The following PRR3 variants were observed in gnomAD, a reference collection of about 807,000 sequenced individuals.
PRR3 encodes the protein proline rich 3.
In PRR3, 16 loss-of-function variants were observed where a neutral mutation model predicts 22.4. The observed-to-expected ratio is 0.71, with a 90% CI of 0.48 to 1.09. The LOEUF (loss-of-function observed/expected upper bound fraction) is 1.09, where lower values mean the gene tolerates loss of function less well. Ranked by LOEUF, PRR3 falls within the 50% of genes least tolerant of loss-of-function variation. The pLI is 0.00. For synonymous variants in PRR3, 87 were observed against 88.6 expected, an observed-to-expected ratio of 0.98 and a Z score of 0.10; for missense variants, 224 against 243.4, an observed-to-expected ratio of 0.92 and a Z score of 0.53.
rs1800747841 is a variant in PRR3 at position 30,563,027 on chromosome 6, C to G, written c.*532C>G. On this transcript the variant is annotated 3_prime_UTR_variant, in exon 4 of 4. Coordinates refer to ENST00000376560, the MANE Select transcript of PRR3 (RefSeq NM_025263.4). ...TGGTGCAGAGTTACTTCCTAAAAGGCCACTCTCCCTGCCTTTGGATTTCAT... is the reference window on the plus strand; with the variant it reads ...TGGTGCAGAGTTACTTCCTAAAAGGGCACTCTCCCTGCCTTTGGATTTCAT... 6.5e-6 allele frequency: 1 copy of G among 152,804 alleles called. No homozygotes were observed. The allele number at this position is 152,804 out of a possible 1,614,324, so 9.5% of individuals were successfully genotyped here.
upstream of PRR3, chr6:30,556,750 C>T (rs1007444743): frequency 2.7e-5 from 11 of 404,434 alleles, no homozygotes; most frequent in Non-Finnish European, 3.2e-5. This position sits in a 1 kb window ranked among gnomAD's most constrained non-coding sequence, Gnocchi z 5.7. Flanking sequence ...ACACCGGGGG[C>T]ACGGTCAGAG....
At position 30,563,036 on chromosome 6, in the gene PRR3, C is replaced by T. The variant is rs943843636; in HGVS notation, c.*541C>T. ...GTTACTTCCTAAAAGGCCACTCTCC[C>T]TGCCTTTGGATTTCATAGTTTCTCT... is the stretch of plus-strand genomic sequence containing the variant. On this transcript the variant is annotated 3_prime_UTR_variant, in exon 4 of 4. Coordinates refer to ENST00000376560, the MANE Select transcript of PRR3 (RefSeq NM_025263.4). 6.5e-6 allele frequency: 1 copy of T among 152,842 alleles called. No individual in the cohort carries two copies. The highest frequency in any genetic ancestry group is 1.5e-5 in the Non-Finnish European group (1 of 68,270). The allele number at this position is 152,842 out of a possible 1,614,324, so 9.5% of individuals were successfully genotyped here.
At chr6:30,559,234 G>A (rs754468688) in intron 2 of PRR3, among the ~76,000 whole-genome samples, 11 of 152,072 alleles carry the variant, frequency 7.2e-5, no homozygotes, top group Admixed American at 2.6e-4. Flanking sequence ...AAAATTAGCC[G>A]GGCATGGTGG....
At chr6:30,557,066 T>A (rs1164757910), upstream of PRR3, 4 of 701,786 alleles carry the variant, frequency 5.7e-6, no homozygotes, top group African/African-American at 1.7e-5. Flanking sequence ...CTGGTTGTGG[T>A]GTTTTCCAGC....
At chr6:30,559,903 C>T (rs1800512641) in intron 2 of PRR3, 1 of 152,088 alleles carries the variant, frequency 6.6e-6, no homozygotes, top group Non-Finnish European at 1.5e-5. Flanking sequence ...GGAAGCAACC[C>T]ACATGTCCAC....
Position 30,561,979 on chromosome 6 carries a change from T to C in PRR3, c.315T>C (p.Asn105=), listed in dbSNP as rs1271424594. Reference sequence around the variant, plus strand: ...ATGGTCGTGGTTGGTGGGGAGTCAATGCAGAACCTCCTTTTCCGGGGCCAG... The same window carrying C: ...ATGGTCGTGGTTGGTGGGGAGTCAACGCAGAACCTCCTTTTCCGGGGCCAG... ...SPYGRGWWGV[N]AEPPFPGPGH... The change falls in exon 3 of 4, where the codon AAT becomes AAC. Residue 105 remains asparagine, a synonymous_variant. Transcript: ENST00000376560. This position sits in a 1 kb window ranked among gnomAD's most constrained non-coding sequence, Gnocchi z 4.0. The C allele has an allele frequency of 2.5e-6, 4 of 1,612,862 alleles. No homozygotes were observed. The Admixed American group carries it at 6.7e-5, about 27-fold the overall frequency.
intron 2 of PRR3, among the ~76,000 whole-genome samples, chr6:30,559,450 G>A (rs1800480801): frequency 1.3e-5 from 2 of 152,020 alleles, no homozygotes; most frequent in South Asian, 2.1e-4. Context: ...TACAATAGAA[G>A]ATATTTGCAA....
intron 1 of PRR3, 117 bp downstream of exon 1, chr6:30,557,567 G>A: frequency 2.9e-6 from 2 of 684,714 alleles, no homozygotes; most frequent in African/African-American, 1.8e-5. Context: ...CGCACGCGCT[G>A]GGGAGGGATG....
At chr6:30,558,488 G>A (rs912330975) in intron 2 of PRR3, 12 of 454,570 alleles carry the variant, frequency 2.6e-5, no homozygotes, top group African/African-American at 1.7e-4. Flanking sequence ...ATATCAAGGC[G>A]ACTATCAAGA....
Position 30,561,682 on chromosome 6 carries a change from G to A in PRR3, c.170-152G>A. The stretch of plus-strand genomic sequence containing the variant: ...CACCTGGTGGTGGAAACTCAAGTGT[G>A]TCTACTTTGTGAGAACTGGGTTGTG... On this transcript the variant is annotated intron_variant, in intron 2 of 3. Coordinates refer to ENST00000376560, the MANE Select transcript of PRR3 (RefSeq NM_025263.4). This position sits in a 1 kb window ranked among gnomAD's most constrained non-coding sequence, Gnocchi z 4.0. The A allele has an allele frequency of 1.5e-6, 1 of 669,028 alleles. No individual in the cohort carries two copies. The highest frequency in any genetic ancestry group is 2.5e-6 in the Non-Finnish European group (1 of 402,926). 41.4% of individuals were successfully genotyped at this position (669,028 alleles called of 1,614,324 possible). A position where few individuals can be genotyped will look rare whatever the true frequency, so the allele number is the denominator to read the frequency against.
At chr6:30,559,283 A>C (rs755703690) in intron 2 of PRR3, among the ~76,000 whole-genome samples, 2 of 152,194 alleles carry the variant, frequency 1.3e-5, no homozygotes, top group Non-Finnish European at 1.5e-5. Flanking sequence ...AGGCTGAGAC[A>C]GGAGAATCGC....
chr6:30,562,101 A>C lies in PRR3; in HGVS notation c.437A>C (p.Lys146Thr). 1 of 1,598,606 alleles carries C rather than the reference A, an allele frequency of 6.3e-7. No homozygotes were observed. Among genetic ancestry groups the C allele is most frequent in the Non-Finnish European group, 8.5e-7 (1 of 1,172,968 alleles). The change falls in exon 3 of 4, where the codon AAG becomes ACG. Residue 146 changes from lysine to threonine, a missense_variant. Lys to Thr is a moderately conservative substitution (Grantham distance 78). Transcript: ENST00000376560. ...WSLIKNTCPPKDDPQVMEDKS... is the reference protein window; with the variant it reads ...WSLIKNTCPPTDDPQVMEDKS... Reference sequence around the variant, plus strand: ...CTTATCAAGAATACCTGCCCGCCCAAGGATGACCCCCAGGTTATGGAAGGT... The same window carrying C: ...CTTATCAAGAATACCTGCCCGCCCACGGATGACCCCCAGGTTATGGAAGGT...
chr6:30,556,797 T>C (rs1262781603), upstream of PRR3: 1 of 473,040 alleles, frequency 2.1e-6, no homozygotes, highest in Admixed American at 3.6e-5. This position sits in a 1 kb window ranked among gnomAD's most constrained non-coding sequence, Gnocchi z 5.7. Context: ...GAGTCCTGGG[T>C]GCCGACCTGT....
intron 2 of PRR3, among the ~76,000 whole-genome samples, chr6:30,559,023 G>T (rs1194145255): frequency 6.6e-6 from 1 of 152,166 alleles, no homozygotes; most frequent in Non-Finnish European, 1.5e-5. Context: ...AAACAGACAA[G>T]AAATGCACGT....
rs748332344 is a variant in PRR3 at position 30,561,458 on chromosome 6, T to C, written c.170-376T>C. On this transcript the variant is annotated intron_variant, in intron 2 of 3. Transcript: ENST00000376560. This position sits in a 1 kb window ranked among gnomAD's most constrained non-coding sequence, Gnocchi z 4.0. ...CTGCTACAGGCAACCTGGATGAATC[T>C]CACAAACATGATGTTGAGCGAAAGG... The C allele has an allele frequency of 5.9e-6, 3 of 505,850 alleles. No individual in the cohort carries two copies. Among genetic ancestry groups the C allele is most frequent in the Non-Finnish European group, 7.7e-6 (2 of 260,978 alleles). The allele number at this position is 505,850 out of a possible 1,614,324, so 31.3% of individuals were successfully genotyped here. A position where few individuals can be genotyped will look rare whatever the true frequency, so the allele number is the denominator to read the frequency against.
At position 30,558,201 on chromosome 6, in the gene PRR3, AC is replaced by A; in HGVS notation, c.161del (p.Pro54LeufsTer16). The A allele has an allele frequency of 6.2e-7, 1 of 1,612,962 alleles. No homozygotes were observed. The highest frequency in any genetic ancestry group is 8.5e-7 in the Non-Finnish European group (1 of 1,179,954). On this transcript the variant is annotated frameshift_variant, in exon 2 of 4. Coordinates refer to ENST00000376560, the MANE Select transcript of PRR3 (RefSeq NM_025263.4). LOFTEE classifies it high-confidence loss of function. The part of the protein sequence containing the change: ...PPPMANGKPG[D>X]PKSALHRGPP... Reference sequence around the variant, plus strand: ...CCCATGGCCAATGGAAAACCTGGCGACCCTAAGTCAGGTGAGGAGGAAGGGG... The same window carrying A: ...CCCATGGCCAATGGAAAACCTGGCGACCTAAGTCAGGTGAGGAGGAAGGGG...
chr6:30,558,269 G>C, intron 2 of PRR3, 57 bp downstream of exon 2: 4 of 1,448,216 alleles, frequency 2.8e-6, no homozygotes, highest in Non-Finnish European at 3.9e-6. Flanking sequence ...CAGCAAGGGA[G>C]GGGATAAAAC....
chr6:30,558,043 C>A, intron 1 of PRR3, 107 bp from the exon 2 acceptor site: 2 of 958,216 alleles, frequency 2.1e-6, no homozygotes, highest in Non-Finnish European at 1.7e-6. Context: ...ATATACCTGA[C>A]TTTACTGGTT....
chr6:30,558,274 TA>T, intron 2 of PRR3, 62 bp downstream of exon 2: 1 of 1,375,322 alleles, frequency 7.3e-7, no homozygotes, highest in Non-Finnish European at 1.0e-6. Flanking sequence ...AGGGAGGGGA[TA>T]AAACCCAGGA....
Sources: gnomAD v4.1 joint callset for allele counts (sites outside exome capture counted in the v4.1 genomes callset) on GRCh38, gnomAD v4.1.1 for gene constraint, Gnocchi (gnomAD v3.1) non-coding constraint, MANE v1.5 for transcripts, NCBI Gene and HGNC (gene_info 2026-07-23, HGNC 2026-07-21) for gene names.